Variants in SMG1 observed in about 807,000 individuals in gnomAD.
SMG1 encodes serine/threonine-protein kinase SMG1.
SMG1 carries 22 observed loss-of-function variants against 419.9 expected under a neutral mutation model. The observed-to-expected ratio is 0.05, with a 90% CI of 0.04 to 0.07. The LOEUF is 0.07. SMG1 is among the 10% of genes least tolerant of loss of function. The probability of loss-of-function intolerance (pLI) is 1.00; values close to 1 mark genes in which losing one functional copy is unlikely to be tolerated. For missense variants in SMG1, 3,185 were observed against 4,342.0 expected, an observed-to-expected ratio of 0.73 and a Z score of 7.49; for synonymous variants, 1,538 against 1,553.5, an observed-to-expected ratio of 0.99 and a Z score of 0.23.
chr16:18,865,951 C>T (rs560583333), intron 23 of SMG1, among the ~76,000 whole-genome samples: 1 of 151,972 alleles, frequency 6.6e-6, no homozygotes, highest in Non-Finnish European at 1.5e-5. Flanking sequence ...TGTAAGCCAC[C>T]GAACCCAGCC....
chr16:18,902,370 A>T (rs570448674), intron 1 of SMG1, among the ~76,000 whole-genome samples: 7 of 152,088 alleles, frequency 4.6e-5, no homozygotes, highest in Non-Finnish European at 5.9e-5. Context: ...AGAGCTTTCA[A>T]TGAGTTCTAG....
At chr16:18,842,037 C>T (rs758543952) in intron 40 of SMG1, among the ~76,000 whole-genome samples, 171 bp downstream of exon 40, 8 of 152,134 alleles carry the variant, frequency 5.3e-5, no homozygotes, top group East Asian at 1.9e-4. Context: ...TCTTTCTGCA[C>T]GGCATCCAAT....
chr16:18,842,321 G>T lies in SMG1; in HGVS notation c.6353C>A (p.Thr2118Asn). Residue 2118 changes from threonine (T) to asparagine (N), a missense_variant, in exon 40 of 63, where the codon ACT becomes AAT. Coordinates refer to ENST00000446231, the MANE Select transcript of SMG1 (RefSeq NM_015092.5). ...TCCGCCCACACTATGGATTGTGACA[G>T]TGTCTCTGGCTGAGACTTCCCCAGG... ...ALPGEVSARDTVTIHSVGGTI... is the reference protein window; with the variant it reads ...ALPGEVSARDNVTIHSVGGTI... The T allele has an allele frequency of 1.2e-6, 2 of 1,614,018 alleles. No individual in the cohort carries two copies. Among genetic ancestry groups the T allele is most frequent in the Non-Finnish European group, 1.7e-6 (2 of 1,179,886 alleles).
chr16:18,895,247 G>A (rs556746723), intron 3 of SMG1, among the ~76,000 whole-genome samples: 9 of 152,128 alleles, frequency 5.9e-5, no homozygotes, highest in South Asian at 4.2e-4. Flanking sequence ...CCTGTAATGA[G>A]CACGCGTGAT....
intron 29 of SMG1, 58 bp downstream of exon 29, chr16:18,858,112 C>T (rs1310095396): frequency 6.8e-7 from 1 of 1,472,164 alleles, no homozygotes; most frequent in Admixed American, 2.4e-5. Context: ...CTCAATAAAG[C>T]AAAATTTAAA....
intron 38 of SMG1, among the ~76,000 whole-genome samples, chr16:18,846,301 G>A (rs1008837841): frequency 5.9e-5 from 9 of 152,266 alleles, no homozygotes; most frequent in African/African-American, 2.2e-4. Context: ...ATAAGGGAAA[G>A]GTTTCATGAC....
rs778404719 is a variant in SMG1, at chr16:18,834,900, G to A, written c.8322C>T (p.Thr2774=). 30 of 1,613,362 alleles carry A rather than the reference G, an allele frequency of 1.9e-5. No homozygotes were observed. The African/African-American group carries it at 2.7e-4, about 14-fold the overall frequency. The change falls in exon 49 of 63, where the codon ACC becomes ACT. Residue 2774 remains threonine (T), a synonymous_variant. Coordinates refer to ENST00000446231, the MANE Select transcript of SMG1 (RefSeq NM_015092.5). ...LASVIISALC[T]LTRRNLMMEG... is the part of the protein sequence containing the mutation. ...GAAGTTGGCTAACTTACCTTGTAAG[G>A]GTACAAAGGGCAGAAATAATAACAC...
At position 18,872,234 on chromosome 16, in the gene SMG1, T is replaced by C. The variant is rs2035860430; in HGVS notation, c.2133A>G (p.Leu711=). The part of the protein sequence containing the change: ...TATKKHFSII[L]NLLGILLKKD... Reference sequence around the variant, plus strand: ...TCTTAAGTAATATTCCCAGAAGATTTAATATAATTGAGAAATGTTTCTTTG... The same window carrying C: ...TCTTAAGTAATATTCCCAGAAGATTCAATATAATTGAGAAATGTTTCTTTG... The change falls in exon 15 of 63, where the codon TTA becomes TTG. Residue 711 remains leucine, a synonymous_variant. Coordinates refer to ENST00000446231, the MANE Select transcript of SMG1 (RefSeq NM_015092.5). The C allele has an allele frequency of 6.3e-7, 1 of 1,583,788 alleles. No homozygotes were observed. Among genetic ancestry groups the C allele is most frequent in the African/African-American group, 1.3e-5 (1 of 74,214 alleles).
intron 60 of SMG1, among the ~76,000 whole-genome samples, chr16:18,813,517 G>T (rs2031679944): frequency 6.6e-6 from 1 of 152,070 alleles, no homozygotes; most frequent in African/African-American, 2.4e-5. Context: ...TGATGGGGTT[G>T]TTTTTTTCTT....
Position 18,806,704 on chromosome 16 carries a change from C to G in SMG1, c.*2865G>C, listed in dbSNP as rs575645794. 18 of 152,148 alleles carry G rather than the reference C, an allele frequency of 1.2e-4. No individual in the cohort carries two copies. The highest frequency in any genetic ancestry group is 4.3e-4 in the African/African-American group (18 of 41,466). The allele number at this position is 152,148 out of a possible 1,614,324, so 9.4% of individuals were successfully genotyped here. On this transcript the variant is annotated 3_prime_UTR_variant, in exon 63 of 63. Coordinates refer to ENST00000446231, the MANE Select transcript of SMG1 (RefSeq NM_015092.5). ...GTTGTTTGTAGGTTATTCTGTACCCCCTGATTCTTAAAGAAAGTGGAGGAG... is the reference window on the plus strand; with the variant it reads ...GTTGTTTGTAGGTTATTCTGTACCCGCTGATTCTTAAAGAAAGTGGAGGAG...
At position 18,851,890 on chromosome 16, in the gene SMG1, A is replaced by G. The variant is rs137947876; in HGVS notation, c.5052+177T>C. 2.5e-4 allele frequency among the ~76,000 whole-genome samples: 38 copies of G among 152,298 alleles called. 1 individual carries two copies. The East Asian group carries it at 7.3e-3, about 29-fold the overall frequency. On this transcript the variant is annotated intron_variant, in intron 33 of 62. Transcript: ENST00000446231. ...CTCTAAGGAAATGCCTTATTTTCTCAAAAGTATATTCTTCTTAGAAAAATA... is the reference window on the plus strand; with the variant it reads ...CTCTAAGGAAATGCCTTATTTTCTCGAAAGTATATTCTTCTTAGAAAAATA...
rs530469690 is a variant in SMG1, at chr16:18,872,919, T to A, written c.1891-295A>T. ...CTGTAATCCTAGCACTTTGGGAGGG[T>A]AAGGTGGGCAGATCACTTGAGCCCA... On this transcript the variant is annotated intron_variant, in intron 13 of 62. Transcript: ENST00000446231. 4.6e-5 allele frequency among the ~76,000 whole-genome samples: 7 copies of A among 151,696 alleles called. No homozygotes were observed. The South Asian group carries it at 1.5e-3, about 32-fold the overall frequency.
At chr16:18,894,516 T>C (rs1166783831) in intron 3 of SMG1, among the ~76,000 whole-genome samples, 1 of 152,044 alleles carries the variant, frequency 6.6e-6, no homozygotes, top group Non-Finnish European at 1.5e-5. Flanking sequence ...ATATCATAAG[T>C]CTCAGGCTTC....
In SMG1 at chr16:18,834,393, C is replaced by G; in HGVS notation, c.8376G>C (p.Gln2792His). The G allele has an allele frequency of 6.2e-7, 1 of 1,613,866 alleles. No homozygotes were observed. Among genetic ancestry groups the G allele is most frequent in the Non-Finnish European group, 8.5e-7 (1 of 1,179,848 alleles). Reference sequence around the variant, plus strand: ...CATCCCGAGAAGTCAGATCAACCAGCTGTTCTCCAGCACTTGACGCTGCAC... The same window carrying G: ...CATCCCGAGAAGTCAGATCAACCAGGTGTTCTCCAGCACTTGACGCTGCAC... ...MEGAASSAGE[Q>H]LVDLTSRDGA... Residue 2792 changes from glutamine to histidine, a missense_variant, in exon 50 of 63, where the codon CAG becomes CAC. Coordinates refer to ENST00000446231, the MANE Select transcript of SMG1 (RefSeq NM_015092.5).
At chr16:18,811,351 A>G (rs2031379287) in intron 62 of SMG1, among the ~76,000 whole-genome samples, 1 of 152,190 alleles carries the variant, frequency 6.6e-6, no homozygotes, top group African/African-American at 2.4e-5. Flanking sequence ...CTTTTCACTT[A>G]TGGCATCATG....
intron 9 of SMG1, among the ~76,000 whole-genome samples, chr16:18,883,695 G>C (rs2036499106): frequency 6.6e-6 from 1 of 152,148 alleles, no homozygotes; most frequent in Non-Finnish European, 1.5e-5. Context: ...GATGCGGGTG[G>C]ATCACCTGAG....
intron 38 of SMG1, 137 bp downstream of exon 38, chr16:18,847,316 T>C: frequency 1.2e-6 from 1 of 863,098 alleles, no homozygotes; most frequent in Non-Finnish European, 1.8e-6. Context: ...ACCGTGGTGA[T>C]GGTTGTACAA....
chr16:18,816,442 C>T lies in SMG1; in HGVS notation c.10162G>A (p.Ala3388Thr), dbSNP rs1372580491. The change falls in exon 58 of 63, where the codon GCA becomes ACA. Residue 3388 changes from alanine to threonine, a missense_variant. Coordinates refer to ENST00000446231, the MANE Select transcript of SMG1 (RefSeq NM_015092.5). ...QLTQDMSTQRAIQTEKEQQIE... is the reference protein window; with the variant it reads ...QLTQDMSTQRTIQTEKEQQIE... Reference sequence around the variant, plus strand: ...TGCTGCTCTTTCTCTGTCTGAATTGCCCTCTGAGTAGACATATCCTGGGTC... The same window carrying T: ...TGCTGCTCTTTCTCTGTCTGAATTGTCCTCTGAGTAGACATATCCTGGGTC... 6 of 1,613,796 alleles carry T rather than the reference C, an allele frequency of 3.7e-6. No homozygotes were observed. Among genetic ancestry groups the T allele is most frequent in the Non-Finnish European group, 5.1e-6 (6 of 1,179,858 alleles).
chr16:18,884,684 T>G (rs1362754654), intron 8 of SMG1: 2 of 176,122 alleles, frequency 1.1e-5, no homozygotes, highest in Non-Finnish European at 2.4e-5. Flanking sequence ...TCCAAAAAAA[T>G]GGGAAACAAA....
Sources: gnomAD v4.1 joint callset for allele counts (sites outside exome capture counted in the v4.1 genomes callset) on GRCh38, gnomAD v4.1.1 for gene constraint, MANE v1.5 for transcripts, NCBI Gene and HGNC (gene_info 2026-07-23, HGNC 2026-07-21) for gene names.